MPPED2: variants seen among roughly 807,000 people sequenced by gnomAD.
The protein encoded by MPPED2 is metallophosphoesterase MPPED2.
Under a neutral mutation model 33.0 loss-of-function variants are expected in MPPED2, and 5 were observed. The observed-to-expected ratio is 0.15, with a 90% CI of 0.08 to 0.32. The LOEUF (loss-of-function observed/expected upper bound fraction) is 0.32. MPPED2 is among the 10% of genes least tolerant of loss of function. MPPED2 has a pLI of 1.00. For missense variants in MPPED2, 275 were observed against 372.1 expected (o/e 0.74, Z 2.15); for synonymous variants, 136 against 141.9 (o/e 0.96, Z 0.29).
intron 4 of MPPED2, 94 bp downstream of exon 4, chr11:30,495,202 T>C: frequency 1.2e-6 from 1 of 862,088 alleles, no homozygotes; most frequent in Non-Finnish European, 1.9e-6. Context: ...CCTTTCATCC[T>C]AATCATTTTC....
At chr11:30,394,786 A>G (rs1051567142) in intron 6 of MPPED2, among the ~76,000 whole-genome samples, 1 of 152,140 alleles carries the variant, frequency 6.6e-6, no homozygotes, top group Non-Finnish European at 1.5e-5. Flanking sequence ...TTTTTCTATC[A>G]GGTATTGTAT....
At chr11:30,440,180 A>T (rs1949504289) in intron 4 of MPPED2, among the ~76,000 whole-genome samples, 1 of 152,096 alleles carries the variant, frequency 6.6e-6, no homozygotes, top group Admixed American at 6.5e-5. Context: ...AAATACAAAA[A>T]CTAGCCGGGC....
chr11:30,398,254 G>A (rs80327302), intron 6 of MPPED2, among the ~76,000 whole-genome samples: 2,234 of 152,142 alleles, frequency 0.015, 24 homozygotes, highest in South Asian at 0.04. Flanking sequence ...TTGGGACTGT[G>A]GATAAGAATA....
At chr11:30,513,706 C>A (rs774483748) in intron 3 of MPPED2, among the ~76,000 whole-genome samples, 12 of 152,062 alleles carry the variant, frequency 7.9e-5, no homozygotes, top group Non-Finnish European at 1.6e-4. Context: ...GAAAGGGACA[C>A]AGGTGGCTAG....
At chr11:30,479,562 A>G (rs1951384557) in intron 4 of MPPED2, among the ~76,000 whole-genome samples, 1 of 152,118 alleles carries the variant, frequency 6.6e-6, no homozygotes, top group African/African-American at 2.4e-5. Context: ...AAATAGTGTA[A>G]GCAGAAAAGT....
chr11:30,430,426 T>C (rs1186411742), intron 4 of MPPED2, among the ~76,000 whole-genome samples: 3 of 152,244 alleles, frequency 2.0e-5, no homozygotes, highest in Non-Finnish European at 2.9e-5. Flanking sequence ...CTGGGTCAAA[T>C]AGAATATATC....
At chr11:30,578,794 T>C (rs1957037757) in intron 2 of MPPED2, among the ~76,000 whole-genome samples, 3 of 152,150 alleles carry the variant, frequency 2.0e-5, no homozygotes, top group Admixed American at 2.0e-4. Context: ...GAAAAACAAG[T>C]AAATAGAAAC....
intron 3 of MPPED2, chr11:30,504,724 G>A (rs1010232054): frequency 1.0e-5 from 13 of 1,251,722 alleles, no homozygotes; most frequent in Admixed American, 9.2e-5. Context: ...CAGCTCTAAC[G>A]TTAATACTCA....
intron 1 of MPPED2, 121 bp from the exon 2 acceptor site, chr11:30,580,615 G>T: frequency 1.0e-6 from 1 of 959,908 alleles, no homozygotes; most frequent in Non-Finnish European, 1.4e-6. Context: ...TGTGTTGTTG[G>T]CTCATGGATA....
intron 2 of MPPED2, among the ~76,000 whole-genome samples, chr11:30,559,019 C>T (rs1027446908): frequency 3.0e-4 from 46 of 152,168 alleles, no homozygotes; most frequent in African/African-American, 1.1e-3. Context: ...ATAAAGATAT[C>T]TTTAAAGCTA....
chr11:30,533,181 A>C (rs1220287728), intron 3 of MPPED2, among the ~76,000 whole-genome samples: 3 of 152,178 alleles, frequency 2.0e-5, no homozygotes, highest in African/African-American at 7.2e-5. Context: ...AGCTGAGTGT[A>C]CTTGGGTGGA....
At chr11:30,463,069 C>T (rs1950570331) in intron 4 of MPPED2, among the ~76,000 whole-genome samples, 1 of 152,156 alleles carries the variant, frequency 6.6e-6, no homozygotes, top group Non-Finnish European at 1.5e-5. Flanking sequence ...CATTTTTATT[C>T]AAATGGTAAA....
chr11:30,510,629 C>T (rs1054540810), intron 3 of MPPED2, among the ~76,000 whole-genome samples: 1 of 152,118 alleles, frequency 6.6e-6, no homozygotes, highest in Non-Finnish European at 1.5e-5. Context: ...AGATTATTTT[C>T]CTCAGAGTGG....
Position 30,385,013 on chromosome 11 carries a change from A to T in MPPED2, c.*3876T>A, listed in dbSNP as rs899830927. ...TGTGTGTAATACTCCTAAAAGTTTT[A>T]TAACATAGGGGGTGAGAGTCATTAT... On this transcript the variant is annotated 3_prime_UTR_variant, in exon 7 of 7. Transcript: ENST00000448418. The T allele has an allele frequency of 2.0e-5, 3 of 152,214 alleles. 1 individual carries two copies. The highest frequency in any genetic ancestry group is 7.2e-5 in the African/African-American group (3 of 41,470). 9.4% of individuals were successfully genotyped at this position (152,214 alleles called of 1,614,324 possible).
rs146268212 is a variant in MPPED2, at chr11:30,411,481, G to A, written c.872C>T (p.Pro291Leu). ...NPPIIFDLPNPQGS is the reference protein window; with the variant it reads ...NPPIIFDLPNLQGS Reference sequence around the variant, plus strand: ...GCATTTAGAGCTTCAGGAACCCTGTGGGTTTGGAAGGTCAAATATAATTGG... The same window carrying A: ...GCATTTAGAGCTTCAGGAACCCTGTAGGTTTGGAAGGTCAAATATAATTGG... The change falls in exon 7 of 7, where the codon CCA (proline) becomes CTA (leucine). Residue 291 changes from proline to leucine, a missense_variant. Pro to Leu is a moderately conservative substitution (Grantham distance 98, BLOSUM62 -3). Transcript: ENST00000358117. 6.7e-5 allele frequency: 108 copies of A among 1,613,414 alleles called. No homozygotes were observed. The highest frequency in any genetic ancestry group is 6.6e-4 in the Middle Eastern group (4 of 6,058).
intron 2 of MPPED2, among the ~76,000 whole-genome samples, chr11:30,574,614 G>A (rs1358877279): frequency 1.3e-5 from 2 of 152,128 alleles, no homozygotes; most frequent in East Asian, 1.9e-4. Context: ...CCAATGAACA[G>A]CCTTTGGCCT....
At chr11:30,428,292 A>G (rs560786334) in intron 4 of MPPED2, among the ~76,000 whole-genome samples, 52 of 152,380 alleles carry the variant, frequency 3.4e-4, no homozygotes, top group African/African-American at 1.2e-3. Flanking sequence ...TCTGTATACC[A>G]CTTTGCTGCT....
At chr11:30,463,869 C>A (rs1463667544) in intron 4 of MPPED2, among the ~76,000 whole-genome samples, 1 of 151,856 alleles carries the variant, frequency 6.6e-6, no homozygotes, top group African/African-American at 2.4e-5. Flanking sequence ...TATATATACA[C>A]ACACACACAC....
chr11:30,502,607 T>A (rs1386717685), intron 3 of MPPED2, among the ~76,000 whole-genome samples: 1 of 152,140 alleles, frequency 6.6e-6, no homozygotes, highest in Admixed American at 6.6e-5. Flanking sequence ...ATCTAAAAAC[T>A]TGTTGCTACA....
Sources: allele counts gnomAD v4.1 joint callset (sites outside exome capture counted in the v4.1 genomes callset), GRCh38; gene constraint gnomAD v4.1.1; transcripts MANE v1.5; gene names NCBI Gene and HGNC (gene_info 2026-07-23, HGNC 2026-07-21).